ARMH3: variants seen among roughly 807,000 people sequenced by gnomAD.
ARMH3 encodes the protein armadillo-like helical domain-containing protein 3.
ARMH3 carries 60 observed loss-of-function variants against 99.1 expected under a neutral mutation model. The observed-to-expected ratio is 0.61, with a 90% CI of 0.49 to 0.75. The LOEUF (loss-of-function observed/expected upper bound fraction) is 0.75. Among genes scored for constraint, ARMH3 ranks in the 30% least tolerant of loss-of-function variants. The probability of loss-of-function intolerance (pLI) is 0.00; values close to 1 mark genes in which losing one functional copy is unlikely to be tolerated. For missense variants in ARMH3, 679 were observed against 843.1 expected, an observed-to-expected ratio of 0.81 and a Z score of 2.41; for synonymous variants, 285 against 292.8, an observed-to-expected ratio of 0.97 and a Z score of 0.27.
At chr10:101,894,455 A>G (rs2067767986) in intron 23 of ARMH3, among the ~76,000 whole-genome samples, 1 of 152,212 alleles carries the variant, frequency 6.6e-6, no homozygotes, top group Non-Finnish European at 1.5e-5. Context: ...TAACTGAATT[A>G]CGTCGCTTCT....
intron 13 of ARMH3, among the ~76,000 whole-genome samples, chr10:102,009,069 T>A: frequency 6.6e-6 from 1 of 152,304 alleles, no homozygotes; most frequent in East Asian, 1.9e-4. Flanking sequence ...AAAATCCACA[T>A]AGCGGATAAT....
At chr10:101,863,236 A>G (rs1433046138) in intron 24 of ARMH3, among the ~76,000 whole-genome samples, 1 of 152,170 alleles carries the variant, frequency 6.6e-6, no homozygotes, top group Non-Finnish European at 1.5e-5. Context: ...ATGATAGAAG[A>G]AAGTTGAATT....
rs1397292269 is a variant in ARMH3 at position 101,965,856 on chromosome 10, CA to C, written c.1496-8125del. Among the ~76,000 whole-genome samples the C allele has an allele frequency of 1.5e-4, 23 of 152,326 alleles. 1 individual carries two copies. The highest frequency in any genetic ancestry group is 1.0e-3 in the South Asian group (5 of 4,826). On this transcript the variant is annotated intron_variant, in intron 20 of 25. Transcript: ENST00000370033. The stretch of plus-strand genomic sequence containing the variant: ...TTGACTCTGTACTAGAGGCAACTAT[CA>C]GTCTCACACTCAGCTTCAGCCCATG...
At chr10:101,962,342 T>A (rs1019225588) in intron 20 of ARMH3, among the ~76,000 whole-genome samples, 1 of 151,502 alleles carries the variant, frequency 6.6e-6, no homozygotes, top group African/African-American at 2.4e-5. Context: ...TCCAGAAGAA[T>A]GACAACTACT....
chr10:102,016,998 G>A (rs1254596221), intron 8 of ARMH3, among the ~76,000 whole-genome samples: 2 of 152,140 alleles, frequency 1.3e-5, no homozygotes, highest in Admixed American at 1.3e-4. Context: ...TATTGCTTAA[G>A]TCCAACAACT....
At chr10:102,028,658 G>A (rs902548520) in intron 5 of ARMH3, among the ~76,000 whole-genome samples, 1 of 152,152 alleles carries the variant, frequency 6.6e-6, no homozygotes, top group Admixed American at 6.5e-5. Context: ...CATATGATAT[G>A]ATTCCATTTA....
intron 14 of ARMH3, among the ~76,000 whole-genome samples, chr10:102,004,477 C>T (rs1200737075): frequency 6.6e-6 from 1 of 152,156 alleles, no homozygotes. Flanking sequence ...CTGACTTGAT[C>T]TTCCCACTAG....
At chr10:101,972,522 A>C (rs941615453) in intron 20 of ARMH3, among the ~76,000 whole-genome samples, 2 of 152,248 alleles carry the variant, frequency 1.3e-5, no homozygotes, top group African/African-American at 4.8e-5. Flanking sequence ...AGGCAAAGAA[A>C]GAGTGAAAAC....
At chr10:101,960,112 AG>A (rs1286595649) in intron 20 of ARMH3, among the ~76,000 whole-genome samples, 1 of 152,142 alleles carries the variant, frequency 6.6e-6, no homozygotes, top group Non-Finnish European at 1.5e-5. Flanking sequence ...CGGGAGGCGG[AG>A]GCTGCAGTGA....
At chr10:101,907,177 C>T (rs1842665702) in intron 23 of ARMH3, among the ~76,000 whole-genome samples, 1 of 152,074 alleles carries the variant, frequency 6.6e-6, no homozygotes, top group African/African-American at 2.4e-5. Flanking sequence ...CCTTTAAGTT[C>T]CTATTTAGAT....
At chr10:101,953,939 C>G (rs1844912006) in intron 22 of ARMH3, among the ~76,000 whole-genome samples, 1 of 152,168 alleles carries the variant, frequency 6.6e-6, no homozygotes, top group East Asian at 1.9e-4. Context: ...CATCTGTAAT[C>G]TCAACACTTT....
intron 15 of ARMH3, 132 bp downstream of exon 15, chr10:102,001,839 G>T: frequency 1.3e-6 from 1 of 760,468 alleles, no homozygotes; most frequent in Non-Finnish European, 2.1e-6. Flanking sequence ...CTATTTTCCA[G>T]CAATGAAGAC....
chr10:102,010,107 G>C, intron 11 of ARMH3, 84 bp from the exon 12 acceptor site: 1 of 1,307,858 alleles, frequency 7.6e-7, no homozygotes, highest in Non-Finnish European at 1.1e-6. Flanking sequence ...TATCAGTGAA[G>C]AAAACAAGCT....
At chr10:101,908,262 G>T (rs555171839) in intron 23 of ARMH3, among the ~76,000 whole-genome samples, 7 of 152,224 alleles carry the variant, frequency 4.6e-5, no homozygotes, top group African/African-American at 1.7e-4. Context: ...TTCTAGTAAT[G>T]CATGTAAATA....
At chr10:101,853,050 A>ATTT (rs747143889) in intron 24 of ARMH3, among the ~76,000 whole-genome samples, 4 of 129,540 alleles carry the variant, frequency 3.1e-5, no homozygotes, top group Admixed American at 7.8e-5. Context: ...TGCTTGGCTA[A>ATTT]TTTTTTTTTT....
chr10:101,945,489 G>A (rs188169166), intron 22 of ARMH3, among the ~76,000 whole-genome samples: 14 of 152,188 alleles, frequency 9.2e-5, no homozygotes, highest in Admixed American at 5.9e-4. Context: ...AGGCTGAGGC[G>A]GGTGGATCAC....
In ARMH3 at chr10:101,907,495, G is replaced by C. The variant is rs1170116416; in HGVS notation, c.1782-18005C>G. Among the ~76,000 whole-genome samples the C allele has an allele frequency of 5.9e-5, 9 of 151,638 alleles. No individual in the cohort carries two copies. In the South Asian group the frequency reaches 1.9e-3, roughly 32 times the overall value. ...CCGCCTGGGTTCAAGTGATTCTCAT[G>C]CCTCAGCCTCTGAGTAGCTGGGATT... On this transcript the variant is annotated intron_variant, in intron 23 of 25. Coordinates refer to ENST00000370033, the MANE Select transcript of ARMH3 (RefSeq NM_024541.3).
At chr10:101,965,597 T>C (rs1032899907) in intron 20 of ARMH3, among the ~76,000 whole-genome samples, 1 of 152,256 alleles carries the variant, frequency 6.6e-6, no homozygotes, top group Admixed American at 6.5e-5. Flanking sequence ...TCATCTGTTA[T>C]ACTTAATGAG....
In ARMH3 at chr10:101,946,039, TCC is replaced by T. The variant is rs1564781088; in HGVS notation, c.1706-6103_1706-6102del. The stretch of plus-strand genomic sequence containing the variant: ...CAGAGGTTGCAGTGGGCCACTGCAC[TCC>T]AGCCTGGGCGACAGAGTAAGACTCT... On this transcript the variant is annotated intron_variant, in intron 22 of 25. Coordinates refer to ENST00000370033, the MANE Select transcript of ARMH3 (RefSeq NM_024541.3). Among the ~76,000 whole-genome samples, 52 of 109,056 alleles carry T rather than the reference TCC, an allele frequency of 4.8e-4. 1 individual carries two copies. Among genetic ancestry groups the T allele is most frequent in the Non-Finnish European group, 6.9e-4 (42 of 60,840 alleles). 71.5% of individuals were successfully genotyped at this position (109,056 alleles called of 152,430 possible). A position where few individuals can be genotyped will look rare whatever the true frequency, so the allele number is the denominator to read the frequency against.
Sources: allele counts gnomAD v4.1 joint callset (sites outside exome capture counted in the v4.1 genomes callset), GRCh38; gene constraint gnomAD v4.1.1; transcripts MANE v1.5; gene names NCBI Gene and HGNC (gene_info 2026-07-23, HGNC 2026-07-21).